RAP1GAP: variants seen among roughly 807,000 people sequenced by gnomAD.
RAP1GAP encodes the protein rap1 GTPase-activating protein 1.
Under a neutral mutation model 87.2 loss-of-function variants are expected in RAP1GAP, and 35 were observed. That is an observed-to-expected ratio of 0.40 (90% CI 0.31 to 0.53). RAP1GAP has a LOEUF of 0.53. Ranked by LOEUF, RAP1GAP falls within the 20% of genes least tolerant of loss-of-function variation. The pLI, the probability that RAP1GAP is intolerant of heterozygous loss-of-function variation, is 0.48. For synonymous variants in RAP1GAP, 375 were observed against 363.9 expected, an observed-to-expected ratio of 1.03 and a Z score of -0.35; for missense variants, 734 against 898.9, an observed-to-expected ratio of 0.82 and a Z score of 2.35.
intron 18 of RAP1GAP, among the ~76,000 whole-genome samples, chr1:21,604,099 G>C (rs1201811348): frequency 3.9e-5 from 6 of 152,066 alleles, no homozygotes; most frequent in African/African-American, 1.4e-4. Context: ...AAGGCGAGAA[G>C]CACAAGGAGA....
At chr1:21,652,838 A>C (rs948582425) in intron 1 of RAP1GAP, among the ~76,000 whole-genome samples, 3 of 152,012 alleles carry the variant, frequency 2.0e-5, no homozygotes, top group African/African-American at 7.3e-5. Context: ...CCTCCAGCCC[A>C]ACACCCAGTC....
At chr1:21,661,382 T>C (rs2097150299) in intron 1 of RAP1GAP, among the ~76,000 whole-genome samples, 1 of 152,194 alleles carries the variant, frequency 6.6e-6, no homozygotes, top group Non-Finnish European at 1.5e-5. Flanking sequence ...AGTCTCCTTG[T>C]TTTAGTGAGC....
intron 18 of RAP1GAP, among the ~76,000 whole-genome samples, chr1:21,605,255 T>G (rs1051468931): frequency 1.3e-5 from 2 of 152,054 alleles, no homozygotes; most frequent in African/African-American, 4.8e-5. Context: ...AGGTGCTCCC[T>G]CTGGAGATGC....
intron 1 of RAP1GAP, chr1:21,665,298 C>T (rs748655659): frequency 1.9e-5 from 10 of 514,118 alleles, no homozygotes; most frequent in Non-Finnish European, 3.5e-5. Context: ...AGGGTGGCCT[C>T]GGTTGGCAGA....
At chr1:21,640,708 A>T (rs941217238) in intron 2 of RAP1GAP, among the ~76,000 whole-genome samples, 1 of 152,160 alleles carries the variant, frequency 6.6e-6, no homozygotes, top group East Asian at 1.9e-4. Context: ...TCTTTGCGCC[A>T]GGTAGATCCA....
intron 1 of RAP1GAP, among the ~76,000 whole-genome samples, chr1:21,652,843 C>A (rs1226847829): frequency 2.0e-5 from 3 of 152,168 alleles, no homozygotes; most frequent in Non-Finnish European, 4.4e-5. Flanking sequence ...AGCCCAACAC[C>A]CAGTCTTCCC....
At chr1:21,624,336 C>G (rs1469171501) in intron 3 of RAP1GAP, among the ~76,000 whole-genome samples, 1 of 152,230 alleles carries the variant, frequency 6.6e-6, no homozygotes, top group East Asian at 1.9e-4. Flanking sequence ...TTCCAAAGTA[C>G]TTTCACCCAA....
In RAP1GAP at chr1:21,668,804, C is replaced by T. The variant is rs987028429; in HGVS notation, c.-149+450G>A. On this transcript the variant is annotated intron_variant, in intron 1 of 24. Transcript: ENST00000374765. The surrounding 1 kb of genome is among the most constrained non-coding windows in gnomAD (Gnocchi z 6.2). Reference sequence around the variant, plus strand: ...GTCCTTGATCTGAGGCCCCCACTTCCCTCCTCTGAGGACAGGAGCGCCACC... The same window carrying T: ...GTCCTTGATCTGAGGCCCCCACTTCTCTCCTCTGAGGACAGGAGCGCCACC... 6.6e-6 allele frequency among the ~76,000 whole-genome samples: 1 copy of T among 152,052 alleles called. No homozygotes were observed. The highest frequency in any genetic ancestry group is 2.4e-5 in the African/African-American group (1 of 41,416).
intron 3 of RAP1GAP, among the ~76,000 whole-genome samples, chr1:21,620,318 C>A (rs924794344): frequency 6.6e-6 from 1 of 152,202 alleles, no homozygotes; most frequent in Non-Finnish European, 1.5e-5. Flanking sequence ...CCCTGACGGG[C>A]TGCTACCCTT....
chr1:21,610,335 G>A (rs1055202108), intron 13 of RAP1GAP, 60 bp from the exon 14 acceptor site: 52 of 1,589,350 alleles, frequency 3.3e-5, no homozygotes, highest in Non-Finnish European at 4.1e-5. Flanking sequence ...GGGGAGAGGG[G>A]TGCCCACGGG....
At chr1:21,643,575 AG>A (rs370691110) in intron 2 of RAP1GAP, among the ~76,000 whole-genome samples, 11 of 126,258 alleles carry the variant, frequency 8.7e-5, no homozygotes, top group Non-Finnish European at 1.2e-4. Context: ...AAAAAAAAAA[AG>A]AAAAAAGAAA....
At chr1:21,647,258 C>T (rs565681599) in intron 2 of RAP1GAP, among the ~76,000 whole-genome samples, 13 of 152,164 alleles carry the variant, frequency 8.5e-5, no homozygotes, top group East Asian at 5.8e-4. Flanking sequence ...CTCAGGAGTT[C>T]GAGACCTGAC....
chr1:21,602,871 C>A lies in RAP1GAP; in HGVS notation c.1471G>T (p.Gly491Cys), dbSNP rs1467146340. ...CTGCTGCGGCGGGAGCCGAACGGGC[C>A]CGACTTCTTCCTCGTGGGGCTCTTC... is the stretch of plus-strand genomic sequence containing the variant. ...PGKSPTRKKS[G>C]PFGSRRSSAI... Residue 491 changes from glycine (G) to cysteine (C), a missense_variant, in exon 19 of 25, where the codon GGC becomes TGC. Gly to Cys is a radical substitution (Grantham distance 159). Coordinates refer to ENST00000374765, the MANE Select transcript of RAP1GAP (RefSeq NM_002885.4). The A allele has an allele frequency of 6.2e-7, 1 of 1,609,934 alleles. No homozygotes were observed. Among genetic ancestry groups the A allele is most frequent in the South Asian group, 1.1e-5 (1 of 91,042 alleles).
At chr1:21,624,248 G>T (rs368594386) in intron 3 of RAP1GAP, among the ~76,000 whole-genome samples, 4 of 152,238 alleles carry the variant, frequency 2.6e-5, no homozygotes, top group African/African-American at 9.6e-5. Context: ...GAAGGGAGGA[G>T]AATGTCCCTT....
At chr1:21,616,181 ACACACAC>A (rs2082030111) in intron 7 of RAP1GAP, among the ~76,000 whole-genome samples, 1 of 97,742 alleles carries the variant, frequency 1.0e-5, no homozygotes, top group African/African-American at 3.7e-5. Context: ...ACACACACAC[ACACACAC>A]ACATACAATG....
At chr1:21,616,313 G>A (rs992330076) in intron 7 of RAP1GAP, among the ~76,000 whole-genome samples, 4 of 152,106 alleles carry the variant, frequency 2.6e-5, no homozygotes, top group African/African-American at 7.2e-5. Flanking sequence ...TCTGAGCTTC[G>A]GTTTCCTCTT....
chr1:21,669,233 G>T lies in RAP1GAP; in HGVS notation c.-149+21C>A. Reference sequence around the variant, plus strand: ...TCCCCTTCCCCTTTCCAGGGCCGCAGCCCTGGCGGGGCGCACTCACCCAAG... The same window carrying T: ...TCCCCTTCCCCTTTCCAGGGCCGCATCCCTGGCGGGGCGCACTCACCCAAG... On this transcript the variant is annotated intron_variant, in intron 1 of 24. Transcript: ENST00000374765. This position sits in a 1 kb window ranked among gnomAD's most constrained non-coding sequence, Gnocchi z 5.6. 8.0e-7 allele frequency: 1 copy of T among 1,251,970 alleles called. No individual in the cohort carries two copies. The highest frequency in any genetic ancestry group is 1.0e-6 in the Non-Finnish European group (1 of 973,240). 77.6% of individuals were successfully genotyped at this position (1,251,970 alleles called of 1,614,324 possible).
In RAP1GAP at chr1:21,597,672, G is replaced by A; in HGVS notation, c.*34+14C>T. 1 of 1,588,638 alleles carries A rather than the reference G, an allele frequency of 6.3e-7. No homozygotes were observed. The highest frequency in any genetic ancestry group is 8.6e-7 in the Non-Finnish European group (1 of 1,160,926). On this transcript the variant is annotated intron_variant, in intron 24 of 24. Coordinates refer to ENST00000374765, the MANE Select transcript of RAP1GAP (RefSeq NM_002885.4). ...CCTCTCCCACCAAACACAAGCTGAG[G>A]GGCTGGGTCTAACCTGCTCAGTTTC...
At chr1:21,636,942 G>A (rs1377741865) in intron 2 of RAP1GAP, among the ~76,000 whole-genome samples, 1 of 101,566 alleles carries the variant, frequency 9.8e-6, no homozygotes, top group Admixed American at 9.8e-5. Flanking sequence ...GGGAGGGAGG[G>A]AGGAAGGGAG....
Sources: gnomAD v4.1 joint callset for allele counts (sites outside exome capture counted in the v4.1 genomes callset) on GRCh38, gnomAD v4.1.1 for gene constraint, Gnocchi (gnomAD v3.1) non-coding constraint, MANE v1.5 for transcripts, NCBI Gene and HGNC (gene_info 2026-07-23, HGNC 2026-07-21) for gene names.